APCDD1: variants seen among roughly 807,000 people sequenced by gnomAD.
The protein encoded by APCDD1 is APC down-regulated 1.
A neutral mutation model predicts 38.1 loss-of-function variants in APCDD1; 15 were observed. The ratio of observed to expected loss-of-function variants is 0.39; its 90% CI spans 0.26 to 0.61. The LOEUF (loss-of-function observed/expected upper bound fraction) is 0.61, where lower values mean the gene tolerates loss of function less well. APCDD1 is among the 20% of genes least tolerant of loss of function. The pLI, the probability that APCDD1 is intolerant of heterozygous loss-of-function variation, is 0.49. For synonymous variants in APCDD1, 261 were observed against 279.7 expected (o/e 0.93, Z 0.67); for missense variants, 647 against 696.2 (o/e 0.93, Z 0.79).
At chr18:10,482,003 T>G (rs2031151761) in intron 3 of APCDD1, among the ~76,000 whole-genome samples, 1 of 152,000 alleles carries the variant, frequency 6.6e-6, no homozygotes, top group Non-Finnish European at 1.5e-5. Context: ...CTGAAAACAC[T>G]CATTCTGGAA....
rs527818761 is a variant in APCDD1, at chr18:10,481,962, C to G, written c.775-3500C>G. Among the ~76,000 whole-genome samples the G allele has an allele frequency of 2.6e-5, 4 of 152,266 alleles. No homozygotes were observed. In the East Asian group the frequency reaches 7.7e-4, roughly 29 times the overall value. On this transcript the variant is annotated intron_variant, in intron 3 of 4. Coordinates refer to ENST00000355285, the MANE Select transcript of APCDD1 (RefSeq NM_153000.5). ...GGTCCTCGTCTCGGAGCTCAGGACC[C>G]CGGCCTCATTATTGCTAAAGGAAAG...
At position 10,470,264 on chromosome 18, in the gene APCDD1, A is replaced by T. The variant is rs572400272; in HGVS notation, c.243-1266A>T. ...AAACAAAAGGGATCTTCTTTTCTAA[A>T]CCTCATCTAACATGAATCACTGCTT... is the stretch of plus-strand genomic sequence containing the variant. On this transcript the variant is annotated intron_variant, in intron 2 of 4. Transcript: ENST00000355285. The surrounding 1 kb of genome is among the most constrained non-coding windows in gnomAD (Gnocchi z 4.1). Among the ~76,000 whole-genome samples, 1 of 152,282 alleles carries T rather than the reference A, an allele frequency of 6.6e-6. No homozygotes were observed. The highest frequency in any genetic ancestry group is 1.9e-4 in the East Asian group (1 of 5,170).
intron 1 of APCDD1, among the ~76,000 whole-genome samples, chr18:10,456,703 G>A (rs1053054107): frequency 1.2e-4 from 18 of 152,156 alleles, no homozygotes; most frequent in African/African-American, 4.1e-4. Flanking sequence ...AGCAGTCCAA[G>A]CTGGGGTAGT....
rs145753626 is a variant in APCDD1 at position 10,487,401 on chromosome 18, C to T, written c.1097-189C>T. Among the ~76,000 whole-genome samples, 96 of 152,338 alleles carry T rather than the reference C, an allele frequency of 6.3e-4. 1 individual carries two copies. The East Asian group carries it at 0.017, about 26-fold the overall frequency. On this transcript the variant is annotated intron_variant, in intron 4 of 4. Coordinates refer to ENST00000355285, the MANE Select transcript of APCDD1 (RefSeq NM_153000.5). ...TCGGTGTGACTGCCACCCAGATCAA[C>T]AGGTTGAACTCTTCTCCGCCTGACA...
At chr18:10,487,511 TG>T in intron 4 of APCDD1, 78 bp from the exon 5 acceptor site, 1 of 1,394,792 alleles carries the variant, frequency 7.2e-7, no homozygotes, top group Non-Finnish European at 1.0e-6. Flanking sequence ...AGTTAGAGTG[TG>T]GCCAGTGTTT....
chr18:10,471,723 C>T lies in APCDD1; in HGVS notation c.436C>T (p.Gln146Ter). 6.2e-7 allele frequency: 1 copy of T among 1,614,162 alleles called. No homozygotes were observed. The highest frequency in any genetic ancestry group is 8.5e-7 in the Non-Finnish European group (1 of 1,180,042). Residue 146 changes from glutamine to a stop codon, truncating the protein, a stop_gained, in exon 3 of 5, where the codon CAG becomes TAG. Transcript: ENST00000355285. LOFTEE classifies it high-confidence loss of function. This position sits in a 1 kb window ranked among gnomAD's most constrained non-coding sequence, Gnocchi z 5.5. ...IIRGGTEADY[Q>*]LHNVQVICHT... ...CCGAGGGGGCACGGAAGCCGACTAC[C>T]AGCTGCACAACGTCCAGGTGATCTG... is the stretch of plus-strand genomic sequence containing the variant.
chr18:10,484,810 C>T (rs1045609152), intron 3 of APCDD1, among the ~76,000 whole-genome samples: 3 of 150,160 alleles, frequency 2.0e-5, no homozygotes, highest in Non-Finnish European at 2.9e-5. Flanking sequence ...TTTTGTTGAT[C>T]CATCCATCTG....
chr18:10,471,896 C>A lies in APCDD1; in HGVS notation c.609C>A (p.Asn203Lys), dbSNP rs956536247. Residue 203 changes from asparagine to lysine, a missense_variant, in exon 3 of 5, where the codon AAC (asparagine) becomes AAA (lysine). Transcript: ENST00000355285. This position sits in a 1 kb window ranked among gnomAD's most constrained non-coding sequence, Gnocchi z 5.5. ...GCTGTGAGTGCACCAAGGCCGTGAA[C>A]TTTGCCATGCATGAACTTCAGCTCA... is the stretch of plus-strand genomic sequence containing the variant. ...ENGCECTKAV[N>K]FAMHELQLIR... 1 of 1,614,210 alleles carries A rather than the reference C, an allele frequency of 6.2e-7. No individual in the cohort carries two copies. The highest frequency in any genetic ancestry group is 8.5e-7 in the Non-Finnish European group (1 of 1,180,048).
chr18:10,482,156 C>CA (rs796798769), intron 3 of APCDD1, among the ~76,000 whole-genome samples: 14 of 152,344 alleles, frequency 9.2e-5, no homozygotes, highest in African/African-American at 2.6e-4. Context: ...CTCCCACCCC[C>CA]ACCTTAGAAG....
intron 1 of APCDD1, among the ~76,000 whole-genome samples, chr18:10,459,250 A>T (rs1035447243): frequency 6.6e-6 from 1 of 152,176 alleles, no homozygotes; most frequent in African/African-American, 2.4e-5. Context: ...GTAGAGCCCC[A>T]GAGCTGAGTG....
chr18:10,455,167 A>T, intron 1 of APCDD1, 128 bp downstream of exon 1: 1 of 1,399,848 alleles, frequency 7.1e-7, no homozygotes, highest in Non-Finnish European at 9.4e-7. Context: ...GGCGGGTCCG[A>T]GGGGAGCCCC....
At chr18:10,466,867 C>T (rs1598396283) in intron 1 of APCDD1, among the ~76,000 whole-genome samples, 1 of 152,208 alleles carries the variant, frequency 6.6e-6, no homozygotes, top group African/African-American at 2.4e-5. Flanking sequence ...GAACATGGCA[C>T]TCTCCTCTTT....
Position 10,475,312 on chromosome 18 carries a change from T to C in APCDD1, c.774+3251T>C, listed in dbSNP as rs146656653. ...AACATTTACCCAGATTCTTAAGAAA[T>C]AGACTCTTTAAATCCCAGGCCTGAT... is the stretch of plus-strand genomic sequence containing the variant. On this transcript the variant is annotated intron_variant, in intron 3 of 4. Transcript: ENST00000355285. The surrounding 1 kb of genome is among the most constrained non-coding windows in gnomAD (Gnocchi z 4.0). 4.6e-5 allele frequency among the ~76,000 whole-genome samples: 7 copies of C among 152,260 alleles called. No homozygotes were observed. The highest frequency in any genetic ancestry group is 1.4e-4 in the African/African-American group (6 of 41,548).
chr18:10,481,193 C>G (rs2031128774), intron 3 of APCDD1, among the ~76,000 whole-genome samples: 1 of 152,202 alleles, frequency 6.6e-6, no homozygotes, highest in Admixed American at 6.5e-5. Flanking sequence ...TCCACCTATT[C>G]TCCTTCTGGG....
intron 1 of APCDD1, among the ~76,000 whole-genome samples, chr18:10,463,903 T>C (rs1357578459): frequency 1.3e-5 from 2 of 152,208 alleles, no homozygotes; most frequent in Non-Finnish European, 2.9e-5. Context: ...CTTGGGGAGC[T>C]GTGCCAGCCT....
chr18:10,483,817 T>C (rs1392559875), intron 3 of APCDD1, among the ~76,000 whole-genome samples: 1 of 152,244 alleles, frequency 6.6e-6, no homozygotes, highest in Non-Finnish European at 1.5e-5. Flanking sequence ...TACCACAGCC[T>C]GATCCGATCG....
In APCDD1 at chr18:10,488,103, A is replaced by G. The variant is rs1055339189; in HGVS notation, c.*65A>G. 1.3e-6 allele frequency: 2 copies of G among 1,581,890 alleles called. No homozygotes were observed. The highest frequency in any genetic ancestry group is 1.1e-5 in the South Asian group (1 of 89,600). Reference sequence around the variant, plus strand: ...TACTATTGACAGATTTGCTTTACCAAAAGAAAAGACATTTATTCTTTTGAT... The same window carrying G: ...TACTATTGACAGATTTGCTTTACCAGAAGAAAAGACATTTATTCTTTTGAT... On this transcript the variant is annotated 3_prime_UTR_variant, in exon 5 of 5. Coordinates refer to ENST00000355285, the MANE Select transcript of APCDD1 (RefSeq NM_153000.5).
intron 1 of APCDD1, among the ~76,000 whole-genome samples, chr18:10,462,411 C>T (rs1202817375): frequency 1.1e-5 from 1 of 91,308 alleles, no homozygotes; most frequent in Non-Finnish European, 2.3e-5. Context: ...GTCTTCTTTC[C>T]TTCCTTCCTT....
rs1336781607 is a variant in APCDD1 at position 10,475,447 on chromosome 18, G to T, written c.774+3386G>T. Among the ~76,000 whole-genome samples, 1 of 152,156 alleles carries T rather than the reference G, an allele frequency of 6.6e-6. No homozygotes were observed. Among genetic ancestry groups the T allele is most frequent in the Non-Finnish European group, 1.5e-5 (1 of 68,014 alleles). On this transcript the variant is annotated intron_variant, in intron 3 of 4. Transcript: ENST00000355285. The surrounding 1 kb of genome is among the most constrained non-coding windows in gnomAD (Gnocchi z 4.0). ...AGTTATAAAATAGCGTGAATAATAT[G>T]ATACCATCTGCATAAAACTAATAAT...
Sources: allele counts gnomAD v4.1 joint callset (sites outside exome capture counted in the v4.1 genomes callset), GRCh38; gene constraint gnomAD v4.1.1; non-coding constraint Gnocchi (gnomAD v3.1); transcripts MANE v1.5; gene names NCBI Gene and HGNC (gene_info 2026-07-23, HGNC 2026-07-21).